The following SLC38A4 variants were observed in gnomAD, a reference collection of about 807,000 sequenced individuals.
The protein encoded by SLC38A4 is solute carrier family 38 member 4, also known as sodium-coupled neutral amino acid transporter 4.
Under a neutral mutation model 63.1 loss-of-function variants are expected in SLC38A4, and 20 were observed. The ratio of observed to expected loss-of-function variants is 0.32; its 90% CI spans 0.22 to 0.46. SLC38A4 has a LOEUF of 0.46. Among genes scored for constraint, SLC38A4 ranks in the 20% least tolerant of loss-of-function variants. SLC38A4 has a pLI of 1.00. For missense variants in SLC38A4, 526 were observed against 663.6 expected (o/e 0.79, Z 2.28); for synonymous variants, 230 against 225.5 (o/e 1.02, Z -0.18).
chr12:46,804,422 A>T (rs192536094), intron 1 of SLC38A4, among the ~76,000 whole-genome samples: 25 of 152,156 alleles, frequency 1.6e-4, no homozygotes, highest in African/African-American at 6.0e-4. Context: ...TCTGCTATTA[A>T]AATGTATCAA....
At chr12:46,799,281 T>C (rs1939080487) in intron 2 of SLC38A4, among the ~76,000 whole-genome samples, 1 of 152,156 alleles carries the variant, frequency 6.6e-6, no homozygotes, top group Non-Finnish European at 1.5e-5. Context: ...AATTAAGACC[T>C]AATTTTATGC....
intron 14 of SLC38A4, among the ~76,000 whole-genome samples, chr12:46,770,744 G>A (rs1242465746): frequency 1.3e-5 from 2 of 152,066 alleles, no homozygotes; most frequent in East Asian, 3.9e-4. Context: ...TTTGGACTTA[G>A]TGGAATTACT....
intron 10 of SLC38A4, among the ~76,000 whole-genome samples, chr12:46,779,235 T>C (rs1384041809): frequency 6.6e-6 from 1 of 151,976 alleles, no homozygotes; most frequent in Non-Finnish European, 1.5e-5. Context: ...CCTCTCTTAA[T>C]GGGTGGAATG....
In SLC38A4 at chr12:46,785,052, A is replaced by T. The variant is rs148717459; in HGVS notation, c.400+52T>A. The T allele has an allele frequency of 2.5e-5, 34 of 1,368,596 alleles. No individual in the cohort carries two copies. The East Asian group carries it at 7.8e-4, about 31-fold the overall frequency. The allele number at this position is 1,368,596 out of a possible 1,614,324, so 84.8% of individuals were successfully genotyped here. ...AGGTTATGAAGCAACAGACTGAAAT[A>T]CTCTTTTATGAGAATTAAAATAGAA... On this transcript the variant is annotated intron_variant, in intron 6 of 16. Transcript: ENST00000266579.
chr12:46,769,574 A>G, intron 14 of SLC38A4, 146 bp from the exon 15 acceptor site: 2 of 834,824 alleles, frequency 2.4e-6, no homozygotes, highest in South Asian at 1.9e-5. Flanking sequence ...TTTTTTTATT[A>G]TTATAAAACA....
chr12:46,771,570 C>T (rs1938416201), intron 14 of SLC38A4, among the ~76,000 whole-genome samples: 1 of 152,080 alleles, frequency 6.6e-6, no homozygotes, highest in African/African-American at 2.4e-5. Flanking sequence ...GGAGTAAATG[C>T]AAAAGCTTCT....
intron 14 of SLC38A4, among the ~76,000 whole-genome samples, chr12:46,773,785 G>T (rs781668782): frequency 6.6e-6 from 1 of 151,998 alleles, no homozygotes; most frequent in African/African-American, 2.4e-5. Flanking sequence ...TAAAACCATG[G>T]CTTGAAAACA....
chr12:46,792,282 T>A (rs1315858260), intron 3 of SLC38A4, among the ~76,000 whole-genome samples: 2 of 152,078 alleles, frequency 1.3e-5, no homozygotes, highest in Non-Finnish European at 1.5e-5. Flanking sequence ...TCAAACCAAC[T>A]GGATATGACT....
At chr12:46,807,723 AG>A (rs1939261699) in intron 1 of SLC38A4, among the ~76,000 whole-genome samples, 1 of 152,058 alleles carries the variant, frequency 6.6e-6, no homozygotes, top group African/African-American at 2.4e-5. Flanking sequence ...GCCATGATAA[AG>A]GGGAGTCAAG....
chr12:46,779,047 A>T (rs1006306757), intron 10 of SLC38A4, among the ~76,000 whole-genome samples: 31 of 151,960 alleles, frequency 2.0e-4, no homozygotes, highest in African/African-American at 7.5e-4. Flanking sequence ...GAGAAAGATG[A>T]TCATTTCCTT....
chr12:46,830,965 G>A (rs534826435), upstream of SLC38A4, among the ~76,000 whole-genome samples: 1 of 152,284 alleles, frequency 6.6e-6, no homozygotes, highest in East Asian at 1.9e-4. Flanking sequence ...CTCTGCAAAT[G>A]CCCTGGCACA....
chr12:46,804,873 T>G (rs1939200899), intron 1 of SLC38A4, among the ~76,000 whole-genome samples: 1 of 151,950 alleles, frequency 6.6e-6, no homozygotes, highest in Non-Finnish European at 1.5e-5. Context: ...GGTAGGGAAA[T>G]CTCAAAAAAA....
At chr12:46,774,904 G>A (rs1468343351) in intron 14 of SLC38A4, 145 bp downstream of exon 14, 2 of 921,916 alleles carry the variant, frequency 2.2e-6, no homozygotes, top group African/African-American at 1.7e-5. Flanking sequence ...CCAATTTTAA[G>A]TGACTCAAAA....
rs1592178223 is a variant in SLC38A4, at chr12:46,778,723, A to C, written c.771T>G (p.Ser257Arg). 6.2e-7 allele frequency: 1 copy of C among 1,612,830 alleles called. No homozygotes were observed. The highest frequency in any genetic ancestry group is 8.5e-7 in the Non-Finnish European group (1 of 1,179,240). Residue 257 changes from serine (S) to arginine (R), a missense_variant, in exon 11 of 17, where the codon AGT becomes AGG. Transcript: ENST00000266579. ...IPCPLPVLDH[S>R]VGNLSFNNTL... The stretch of plus-strand genomic sequence containing the variant: ...TGTTGTTGAATGACAGATTTCCAAC[A>C]CTGTGATCCAAAACAGGTAGAGGGC...
At chr12:46,788,082 C>T (rs1565668818) in intron 4 of SLC38A4, 51 bp from the exon 5 acceptor site, 1 of 1,350,668 alleles carries the variant, frequency 7.4e-7, no homozygotes, top group Admixed American at 1.7e-5. Context: ...AAGGGCATAC[C>T]TTTAGGGGTT....
chr12:46,799,686 A>G (rs1313173143), intron 2 of SLC38A4, among the ~76,000 whole-genome samples: 4 of 152,202 alleles, frequency 2.6e-5, no homozygotes, highest in Non-Finnish European at 5.9e-5. Context: ...TCTGAAGATT[A>G]TATCACTGAT....
upstream of SLC38A4, among the ~76,000 whole-genome samples, chr12:46,830,956 T>G (rs1939723481): frequency 1.3e-5 from 2 of 152,222 alleles, no homozygotes; most frequent in African/African-American, 2.4e-5. Context: ...CCTGCACTCC[T>G]CTGCAAATGC....
At chr12:46,770,922 A>G (rs757094424) in intron 14 of SLC38A4, among the ~76,000 whole-genome samples, 1 of 152,168 alleles carries the variant, frequency 6.6e-6, no homozygotes, top group Non-Finnish European at 1.5e-5. Flanking sequence ...TGAAACATGT[A>G]TGAATGACAA....
At chr12:46,783,020 ATGTGTGTGTGTGTG>A (rs71437771) in intron 7 of SLC38A4, among the ~76,000 whole-genome samples, 2 of 103,660 alleles carry the variant, frequency 1.9e-5, no homozygotes, top group Admixed American at 1.1e-4. Context: ...GAGAGAGAAA[ATGTGTGTGTGTGTG>A]TGTGTGTGTG....
Sources: gnomAD v4.1 joint callset for allele counts (sites outside exome capture counted in the v4.1 genomes callset) on GRCh38, gnomAD v4.1.1 for gene constraint, MANE v1.5 for transcripts, NCBI Gene and HGNC (gene_info 2026-07-23, HGNC 2026-07-21) for gene names.